PTPRK: variants seen among roughly 807,000 people sequenced by gnomAD.
PTPRK encodes the protein receptor-type tyrosine-protein phosphatase kappa.
Under a neutral mutation model 178.0 loss-of-function variants are expected in PTPRK, and 75 were observed. The observed-to-expected ratio is 0.42, with a 90% CI of 0.35 to 0.51. The LOEUF is 0.51. Ranked by LOEUF, PTPRK falls within the 20% of genes least tolerant of loss-of-function variation. PTPRK has a pLI of 0.02. For synonymous variants in PTPRK, 637 were observed against 620.6 expected, an observed-to-expected ratio of 1.03 and a Z score of -0.39; for missense variants, 1,441 against 1,797.8, an observed-to-expected ratio of 0.80 and a Z score of 3.59.
intron 7 of PTPRK, among the ~76,000 whole-genome samples, chr6:128,176,698 T>C (rs1801131380): frequency 6.6e-6 from 1 of 151,768 alleles, no homozygotes; most frequent in Non-Finnish European, 1.5e-5. Context: ...GGAAAGAAGA[T>C]TGAAGAGTTA....
intron 1 of PTPRK, among the ~76,000 whole-genome samples, chr6:128,477,930 A>G (rs1486374204): frequency 6.6e-6 from 1 of 152,086 alleles, no homozygotes; most frequent in Non-Finnish European, 1.5e-5. Context: ...CACTCTCCAT[A>G]TGCCATTGCC....
chr6:128,436,561 G>A (rs555602251), intron 1 of PTPRK, among the ~76,000 whole-genome samples: 1 of 151,838 alleles, frequency 6.6e-6, no homozygotes, highest in African/African-American at 2.4e-5. Flanking sequence ...AGGTGCAGTG[G>A]CGCTAAATAA....
chr6:128,473,476 C>T (rs567899594), intron 1 of PTPRK, among the ~76,000 whole-genome samples: 12 of 140,024 alleles, frequency 8.6e-5, no homozygotes, highest in Admixed American at 8.5e-4. Flanking sequence ...TAAGACCATG[C>T]AAATATCCTG....
chr6:128,310,238 T>C (rs1202954523), intron 3 of PTPRK, among the ~76,000 whole-genome samples: 1 of 152,130 alleles, frequency 6.6e-6, no homozygotes, highest in East Asian at 1.9e-4. Flanking sequence ...TAGAGATGAT[T>C]TGTTAGGATT....
chr6:128,333,864 T>C (rs1458358270), intron 2 of PTPRK, among the ~76,000 whole-genome samples: 2 of 152,220 alleles, frequency 1.3e-5, no homozygotes, highest in East Asian at 3.8e-4. Flanking sequence ...TATGCCTTCC[T>C]CACTAAGCTT....
At chr6:128,115,087 C>T (rs1325403029) in intron 7 of PTPRK, among the ~76,000 whole-genome samples, 3 of 152,100 alleles carry the variant, frequency 2.0e-5, no homozygotes, top group African/African-American at 7.2e-5. Context: ...TAATGCCAAT[C>T]ATCCCAGGAC....
chr6:127,986,457 A>G (rs1775989791), intron 21 of PTPRK, among the ~76,000 whole-genome samples: 1 of 152,188 alleles, frequency 6.6e-6, no homozygotes, highest in African/African-American at 2.4e-5. Context: ...AATTCAGCGC[A>G]GTATTATTTA....
chr6:128,223,744 G>A (rs191409228), intron 5 of PTPRK, among the ~76,000 whole-genome samples: 1 of 152,178 alleles, frequency 6.6e-6, no homozygotes, highest in African/African-American at 2.4e-5. Flanking sequence ...TTCTGATACA[G>A]TCATATCCAA....
intron 7 of PTPRK, among the ~76,000 whole-genome samples, chr6:128,150,984 A>C (rs1797163686): frequency 1.3e-5 from 2 of 152,150 alleles, no homozygotes; most frequent in South Asian, 4.1e-4. Flanking sequence ...ACTCAAATAT[A>C]GCATATCATG....
At chr6:128,050,285 C>T (rs573178152) in intron 13 of PTPRK, among the ~76,000 whole-genome samples, 4 of 152,288 alleles carry the variant, frequency 2.6e-5, no homozygotes, top group African/African-American at 9.6e-5. Flanking sequence ...AGTGTTGCTC[C>T]ATGTTCTTAA....
chr6:128,122,770 A>C (rs1296189388), intron 7 of PTPRK, among the ~76,000 whole-genome samples: 2 of 152,196 alleles, frequency 1.3e-5, no homozygotes, highest in Non-Finnish European at 2.9e-5. Flanking sequence ...TTATCAGTGA[A>C]TACCATACAG....
intron 2 of PTPRK, among the ~76,000 whole-genome samples, chr6:128,332,565 C>T (rs1243200416): frequency 6.6e-6 from 1 of 152,194 alleles, no homozygotes; most frequent in Non-Finnish European, 1.5e-5. Context: ...CCTTCTTCCA[C>T]CAAACAGTAA....
At chr6:128,122,317 A>G (rs1792609193) in intron 7 of PTPRK, among the ~76,000 whole-genome samples, 1 of 152,046 alleles carries the variant, frequency 6.6e-6, no homozygotes, top group South Asian at 2.1e-4. Flanking sequence ...AAGGTAAATC[A>G]TTTTCAGAGA....
At chr6:128,272,007 G>T (rs1184709648) in intron 3 of PTPRK, among the ~76,000 whole-genome samples, 1 of 151,936 alleles carries the variant, frequency 6.6e-6, no homozygotes, top group Non-Finnish European at 1.5e-5. Flanking sequence ...ATGACTGATT[G>T]TAACAGATTT....
chr6:128,166,685 A>G (rs1479055474), intron 7 of PTPRK, among the ~76,000 whole-genome samples: 3 of 151,678 alleles, frequency 2.0e-5, no homozygotes, highest in Non-Finnish European at 3.0e-5. Flanking sequence ...AACTCTATAA[A>G]CATAAATTTT....
At chr6:128,268,713 C>T (rs938388013) in intron 3 of PTPRK, among the ~76,000 whole-genome samples, 1 of 152,044 alleles carries the variant, frequency 6.6e-6, no homozygotes, top group Non-Finnish European at 1.5e-5. Flanking sequence ...TGTACAGTCA[C>T]CTGATCACCT....
intron 2 of PTPRK, among the ~76,000 whole-genome samples, chr6:128,392,672 CT>C (rs1201132194): frequency 6.6e-6 from 1 of 152,070 alleles, no homozygotes; most frequent in Non-Finnish European, 1.5e-5. Context: ...CTCTTATTCT[CT>C]ATGGGTTCTG....
intron 29 of PTPRK, 25 bp downstream of exon 29, chr6:127,972,997 C>T: frequency 6.8e-6 from 11 of 1,611,364 alleles, no homozygotes; most frequent in Non-Finnish European, 9.3e-6. Context: ...AAGATGCCTT[C>T]CAAATCTAAG....
At chr6:128,298,410 G>A (rs1422782714) in intron 3 of PTPRK, among the ~76,000 whole-genome samples, 1 of 150,480 alleles carries the variant, frequency 6.6e-6, no homozygotes, top group Non-Finnish European at 1.5e-5. Flanking sequence ...ACCAAAGCCG[G>A]GCAGAGACAC....
Sources: allele counts gnomAD v4.1 joint callset (sites outside exome capture counted in the v4.1 genomes callset), GRCh38; gene constraint gnomAD v4.1.1; transcripts MANE v1.5; gene names NCBI Gene and HGNC (gene_info 2026-07-23, HGNC 2026-07-21).